The following NXPE4 variants were observed in gnomAD, a reference collection of about 807,000 sequenced individuals.
NXPE4 encodes NXPE family member 4.
A neutral mutation model predicts 33.3 loss-of-function variants in NXPE4; 42 were observed. That is an observed-to-expected ratio of 1.26 (90% CI 0.98 to 1.63). NXPE4 has a LOEUF of 1.63. NXPE4 is among the 40% of genes most tolerant of loss of function. The pLI, the probability that NXPE4 is intolerant of heterozygous loss-of-function variation, is 0.00. For synonymous variants in NXPE4, 253 were observed against 234.9 expected, an observed-to-expected ratio of 1.08 and a Z score of -0.71; for missense variants, 709 against 647.6, an observed-to-expected ratio of 1.09 and a Z score of -1.03.
At chr11:114,621,243 G>A in the NXPE4 span, among the ~76,000 whole-genome samples, 7 of 151,252 alleles carry the variant, frequency 4.6e-5, no homozygotes, top group African/African-American at 1.5e-4. Flanking sequence ...ACAGTTACCC[G>A]GTGGATAATA....
At chr11:114,650,283 A>T in the NXPE4 span, among the ~76,000 whole-genome samples, 2 of 152,208 alleles carry the variant, frequency 1.3e-5, no homozygotes, top group African/African-American at 4.8e-5. Context: ...CAAGAATAAA[A>T]ATGAATTGTT....
intron 2 of NXPE4, among the ~76,000 whole-genome samples, chr11:114,593,324 T>C (rs1160240326): frequency 2.6e-5 from 4 of 152,094 alleles, no homozygotes; most frequent in Non-Finnish European, 2.9e-5. Context: ...CAACCAACTC[T>C]ATAGCAAAAA....
chr11:114,590,426 G>A (rs1565338138), intron 2 of NXPE4, among the ~76,000 whole-genome samples: 1 of 152,056 alleles, frequency 6.6e-6, no homozygotes, highest in Non-Finnish European at 1.5e-5. Flanking sequence ...AAGATTTTGG[G>A]GCATTACAGG....
chr11:114,626,528 C>T, the NXPE4 span, among the ~76,000 whole-genome samples: 54 of 152,302 alleles, frequency 3.5e-4, no homozygotes, highest in Non-Finnish European at 6.9e-4. Context: ...CTGTACATCA[C>T]CATCATCAAA....
chr11:114,602,906 G>A, the NXPE4 span, among the ~76,000 whole-genome samples: 1 of 146,718 alleles, frequency 6.8e-6, no homozygotes, highest in Non-Finnish European at 1.5e-5. Context: ...TATAATTACA[G>A]AATCATATAT....
the NXPE4 span, among the ~76,000 whole-genome samples, chr11:114,651,474 C>A: frequency 6.6e-6 from 1 of 152,188 alleles, no homozygotes; most frequent in South Asian, 2.1e-4. Flanking sequence ...GAGTAAGCAG[C>A]AGCAAGATTT....
chr11:114,598,398 A>G (rs1399733143), upstream of NXPE4, among the ~76,000 whole-genome samples: 1 of 143,286 alleles, frequency 7.0e-6, no homozygotes, highest in Non-Finnish European at 1.5e-5. Context: ...TCCACTAGGC[A>G]GTGCCCCAGT....
At chr11:114,633,678 T>G in the NXPE4 span, among the ~76,000 whole-genome samples, 27 of 147,772 alleles carry the variant, frequency 1.8e-4, no homozygotes, top group Non-Finnish European at 7.5e-5. Flanking sequence ...TGTGTTCTCA[T>G]TGTTCAATTC....
At chr11:114,598,926 T>C (rs1949608691), upstream of NXPE4, among the ~76,000 whole-genome samples, 1 of 152,202 alleles carries the variant, frequency 6.6e-6, no homozygotes, top group Non-Finnish European at 1.5e-5. Context: ...TTGGCTCCTT[T>C]TTACTTATGC....
chr11:114,644,764 A>G, the NXPE4 span, among the ~76,000 whole-genome samples: 1 of 152,012 alleles, frequency 6.6e-6, no homozygotes, highest in Non-Finnish European at 1.5e-5. Flanking sequence ...AAGGGCCAAA[A>G]ATACATATCT....
the NXPE4 span, among the ~76,000 whole-genome samples, chr11:114,667,999 A>G: frequency 2.0e-5 from 3 of 151,966 alleles, no homozygotes; most frequent in Admixed American, 6.6e-5. Context: ...GACAAGCACT[A>G]TTTGTAACAG....
chr11:114,616,163 T>C, the NXPE4 span, among the ~76,000 whole-genome samples: 1 of 151,564 alleles, frequency 6.6e-6, no homozygotes, highest in Non-Finnish European at 1.5e-5. Flanking sequence ...GTAACCATGG[T>C]TACCCTGTGT....
At chr11:114,593,290 A>G (rs1166902700) in intron 2 of NXPE4, among the ~76,000 whole-genome samples, 1 of 152,186 alleles carries the variant, frequency 6.6e-6, no homozygotes, top group Non-Finnish European at 1.5e-5. Flanking sequence ...ACAGGGGATT[A>G]CTATCCAGAG....
At chr11:114,652,313 C>G in the NXPE4 span, among the ~76,000 whole-genome samples, 2 of 152,176 alleles carry the variant, frequency 1.3e-5, no homozygotes, top group East Asian at 1.9e-4. Context: ...TTCCTTCCTA[C>G]CCCTTTGGAA....
At chr11:114,576,922 A>G (rs1949005519) in intron 5 of NXPE4, among the ~76,000 whole-genome samples, 1 of 149,764 alleles carries the variant, frequency 6.7e-6, no homozygotes, top group Admixed American at 6.7e-5. Flanking sequence ...CAATTGCAAA[A>G]ATAAGGAACC....
chr11:114,616,902 G>A, the NXPE4 span, among the ~76,000 whole-genome samples: 6 of 146,290 alleles, frequency 4.1e-5, no homozygotes, highest in South Asian at 2.1e-4. Context: ...GTATTGTCTC[G>A]TGGGTAACCA....
the NXPE4 span, among the ~76,000 whole-genome samples, chr11:114,628,810 A>G: frequency 6.6e-6 from 1 of 151,992 alleles, no homozygotes; most frequent in African/African-American, 2.4e-5. Context: ...GAAGAATCAA[A>G]TAGACGCAAT....
At chr11:114,581,622 G>C (rs1372137213) in intron 4 of NXPE4, 103 bp downstream of exon 4, 2 of 897,224 alleles carry the variant, frequency 2.2e-6, no homozygotes, top group Non-Finnish European at 3.5e-6. Context: ...CAGATGAACA[G>C]AGTGCTGATA....
chr11:114,650,132 A>T, the NXPE4 span, among the ~76,000 whole-genome samples: 19 of 152,358 alleles, frequency 1.2e-4, no homozygotes, highest in African/African-American at 4.6e-4. Context: ...CATAAAGCTC[A>T]AGTAGCAAGA....
Sources: gnomAD v4.1 joint callset for allele counts (sites outside exome capture counted in the v4.1 genomes callset) on GRCh38, gnomAD v4.1.1 for gene constraint, MANE v1.5 for transcripts, NCBI Gene and HGNC (gene_info 2026-07-23, HGNC 2026-07-21) for gene names.